Variants in KCNIP4 observed in about 807,000 individuals in gnomAD.
KCNIP4 encodes Kv channel-interacting protein 4.
Under a neutral mutation model 34.0 loss-of-function variants are expected in KCNIP4, and 12 were observed. That is an observed-to-expected ratio of 0.35 (90% CI 0.23 to 0.57). KCNIP4 has a LOEUF of 0.57. Ranked by LOEUF, KCNIP4 falls within the 20% of genes least tolerant of loss-of-function variation. The pLI is 0.83. For missense variants in KCNIP4, 238 were observed against 311.7 expected (o/e 0.76, Z 1.78); for synonymous variants, 124 against 102.2 (o/e 1.21, Z -1.29).
chr4:21,298,067 A>G (rs1032768043), intron 1 of KCNIP4, among the ~76,000 whole-genome samples: 1 of 152,150 alleles, frequency 6.6e-6, no homozygotes, highest in South Asian at 2.1e-4. Flanking sequence ...TAGTTTATTC[A>G]TCTGCAAAAT....
rs113583904 is a variant in KCNIP4 at position 21,754,966 on chromosome 4, G to C, written c.61+193605C>G. ...GTTCAAGACCACCCTGGCCAACATG[G>C]AGAAACCCTGTCTCTACTAAAAATA... On this transcript the variant is annotated intron_variant, in intron 1 of 8. Coordinates refer to ENST00000382152, the MANE Select transcript of KCNIP4 (RefSeq NM_025221.6). 7.3e-3 allele frequency among the ~76,000 whole-genome samples: 1,115 copies of C among 152,178 alleles called. 17 individuals carry two copies. Among genetic ancestry groups the C allele is most frequent in the African/African-American group, 0.025 (1,044 of 41,530 alleles).
chr4:21,263,968 C>T lies in KCNIP4; in HGVS notation c.62-381259G>A, dbSNP rs977660181. Among the ~76,000 whole-genome samples, 5 of 148,304 alleles carry T rather than the reference C, an allele frequency of 3.4e-5. 1 individual carries two copies. Among genetic ancestry groups the T allele is most frequent in the South Asian group, 2.1e-4 (1 of 4,658 alleles). The stretch of plus-strand genomic sequence containing the variant: ...CCATGCCCAGCCCAATATATATATA[C>T]GTGTGTGTGTGTGTGTGTGTGTGTA... On this transcript the variant is annotated intron_variant, in intron 1 of 8. Transcript: ENST00000382152.
At chr4:21,328,190 T>A (rs1346304843) in intron 1 of KCNIP4, among the ~76,000 whole-genome samples, 1 of 152,144 alleles carries the variant, frequency 6.6e-6, no homozygotes, top group African/African-American at 2.4e-5. Flanking sequence ...TTTGTACCTG[T>A]CCTTCAGGGA....
chr4:20,779,611 A>ATT (rs1347630529), intron 3 of KCNIP4, among the ~76,000 whole-genome samples: 1 of 147,276 alleles, frequency 6.8e-6, no homozygotes, highest in African/African-American at 2.5e-5. Flanking sequence ...AATGAAAACA[A>ATT]AAAAAATTTC....
chr4:21,393,934 T>C (rs1722761046), intron 1 of KCNIP4, among the ~76,000 whole-genome samples: 2 of 152,140 alleles, frequency 1.3e-5, no homozygotes, highest in South Asian at 4.1e-4. Context: ...AAATTTATGG[T>C]CCAGATACCC....
rs146812500 is a variant in KCNIP4, at chr4:21,087,945, A to G, written c.62-205236T>C. Among the ~76,000 whole-genome samples, 83 of 152,294 alleles carry G rather than the reference A, an allele frequency of 5.4e-4. No individual in the cohort carries two copies. The East Asian group carries it at 0.016, about 29-fold the overall frequency. Reference sequence around the variant, plus strand: ...AGATACGCTTCCCTTCTCACTCAATATAATGTCGCTACTTATTTTTTTCCA... The same window carrying G: ...AGATACGCTTCCCTTCTCACTCAATGTAATGTCGCTACTTATTTTTTTCCA... On this transcript the variant is annotated intron_variant, in intron 1 of 8. Coordinates refer to ENST00000382152, the MANE Select transcript of KCNIP4 (RefSeq NM_025221.6).
At chr4:21,678,305 A>ATTTTTTTTTTTTTTTTTTTTTTTTTTTT (rs59561334) in intron 1 of KCNIP4, among the ~76,000 whole-genome samples, 1 of 117,586 alleles carries the variant, frequency 8.5e-6, no homozygotes, top group African/African-American at 3.2e-5. Flanking sequence ...TCTTCTTTTG[A>ATTTTTTTTTTTTTTTTTTTTTTTTTTTT]TTTTTTTTTT....
intron 1 of KCNIP4, among the ~76,000 whole-genome samples, chr4:20,910,286 T>C (rs1234734707): frequency 2.0e-5 from 3 of 150,584 alleles, no homozygotes; most frequent in Non-Finnish European, 3.0e-5. Context: ...TGTCTGTATG[T>C]GTGTGTGTGT....
At chr4:20,960,082 A>G (rs1008139687) in intron 1 of KCNIP4, among the ~76,000 whole-genome samples, 12 of 152,180 alleles carry the variant, frequency 7.9e-5, no homozygotes, top group Non-Finnish European at 1.3e-4. Context: ...AAATACGTCA[A>G]CAGTGTTTAT....
chr4:21,637,463 C>T (rs377477599), intron 1 of KCNIP4, among the ~76,000 whole-genome samples: 1 of 151,942 alleles, frequency 6.6e-6, no homozygotes, highest in Non-Finnish European at 1.5e-5. Flanking sequence ...AAAAGAGGTC[C>T]TAATATTTTA....
chr4:21,898,389 T>C (rs928079514), intron 1 of KCNIP4, among the ~76,000 whole-genome samples: 3 of 152,086 alleles, frequency 2.0e-5, no homozygotes, highest in African/African-American at 7.2e-5. Flanking sequence ...TCCTTCCTTT[T>C]GCTTGAGAGG....
chr4:21,697,645 CAG>C (rs1712485689), intron 1 of KCNIP4: 3 of 1,308,422 alleles, frequency 2.3e-6, no homozygotes, highest in Non-Finnish European at 1.9e-6. Flanking sequence ...ACAACAGTAA[CAG>C]GGAGGTGAGA....
intron 1 of KCNIP4, among the ~76,000 whole-genome samples, chr4:21,127,045 C>G (rs573043618): frequency 6.6e-6 from 1 of 152,248 alleles, no homozygotes; most frequent in South Asian, 2.1e-4. Context: ...GTTGTTTTCA[C>G]CTCTGGACCT....
intron 1 of KCNIP4, among the ~76,000 whole-genome samples, chr4:21,714,808 TA>T (rs1187148146): frequency 4.0e-3 from 14 of 3,470 alleles, no homozygotes; most frequent in Admixed American, 0.023. Context: ...TATTTTATTT[TA>T]TTTTATTTTA....
Position 21,036,512 on chromosome 4 carries a change from A to T in KCNIP4, c.62-153803T>A, listed in dbSNP as rs552766084. The stretch of plus-strand genomic sequence containing the variant: ...TGCAGGTTTATTTTGCTGAAAATAT[A>T]TCAAGCATAAAGAGTACTCTATTTT... On this transcript the variant is annotated intron_variant, in intron 1 of 8. Transcript: ENST00000382152. Among the ~76,000 whole-genome samples the T allele has an allele frequency of 2.6e-4, 40 of 152,226 alleles. 1 individual carries two copies. The highest frequency in any genetic ancestry group is 4.6e-4 in the Non-Finnish European group (31 of 68,044).
intron 1 of KCNIP4, among the ~76,000 whole-genome samples, chr4:21,224,059 C>T (rs1758177943): frequency 6.6e-6 from 1 of 152,060 alleles, no homozygotes; most frequent in Non-Finnish European, 1.5e-5. Context: ...CATCTGGATT[C>T]CCTCTTTCTC....
chr4:20,845,542 G>T (rs1167455908), intron 3 of KCNIP4, among the ~76,000 whole-genome samples: 1 of 152,086 alleles, frequency 6.6e-6, no homozygotes, highest in Non-Finnish European at 1.5e-5. Flanking sequence ...TCACATCCAG[G>T]TGAATAGACA....
At chr4:20,906,123 T>G (rs534696149) in intron 1 of KCNIP4, among the ~76,000 whole-genome samples, 1 of 130,532 alleles carries the variant, frequency 7.7e-6, no homozygotes, top group Admixed American at 7.3e-5. Flanking sequence ...TTTCTCTTCC[T>G]CTCTTTCTCT....
intron 2 of KCNIP4, among the ~76,000 whole-genome samples, chr4:20,867,276 A>G (rs374910994): frequency 6.6e-6 from 1 of 151,706 alleles, no homozygotes; most frequent in African/African-American, 2.4e-5. Context: ...TTTAAACTCT[A>G]CTATAAAGCC....
Sources: allele counts gnomAD v4.1 joint callset (sites outside exome capture counted in the v4.1 genomes callset), GRCh38; gene constraint gnomAD v4.1.1; transcripts MANE v1.5; gene names NCBI Gene and HGNC (gene_info 2026-07-23, HGNC 2026-07-21).